The following RUFY4 variants were observed in gnomAD, a reference collection of about 807,000 sequenced individuals.
RUFY4 encodes the protein RUN and FYVE domain containing 4, also known as RUN and FYVE domain-containing protein 4.
A neutral mutation model predicts 69.0 loss-of-function variants in RUFY4; 73 were observed. That is an observed-to-expected ratio of 1.06 (90% CI 0.88 to 1.29). The LOEUF (loss-of-function observed/expected upper bound fraction) is 1.29, where lower values mean the gene tolerates loss of function less well. Among genes scored for constraint, RUFY4 ranks in the 50% most tolerant of loss-of-function variants. RUFY4 has a pLI of 0.00. For missense variants in RUFY4, 770 were observed against 705.6 expected, an observed-to-expected ratio of 1.09 and a Z score of -1.03; for synonymous variants, 287 against 271.8, an observed-to-expected ratio of 1.06 and a Z score of -0.55.
rs1324890826 is a variant in RUFY4, at chr2:218,058,897, T to C, written c.-1071+216T>C. ...TCCTGACTACTGCTTCACCCAAGGA[T>C]ATGAGATGCCCTAGAGCATCCCAGA... On this transcript the variant is annotated intron_variant and NMD_transcript_variant, in intron 3 of 13. Coordinates refer to the RUFY4 transcript ENST00000457754. Among the ~76,000 whole-genome samples, 5 of 152,310 alleles carry C rather than the reference T, an allele frequency of 3.3e-5. No homozygotes were observed. In the South Asian group the frequency reaches 8.3e-4, roughly 25 times the overall value.
exon 7 of RUFY4, chr2:218,075,128 G>T (rs754763410): frequency 4.5e-6 from 7 of 1,548,106 alleles, no homozygotes; most frequent in Non-Finnish European, 6.1e-6. Flanking sequence ...AAAATGTCCA[G>T]ATTGAGGACT....
chr2:218,062,483 C>T (rs1689222055), intron 3 of RUFY4, among the ~76,000 whole-genome samples: 1 of 151,338 alleles, frequency 6.6e-6, no homozygotes, highest in Non-Finnish European at 1.5e-5. Context: ...GAGACAGAGG[C>T]AGGCGGATTG....
chr2:218,068,664 G>C (rs1423766465), upstream of RUFY4: 1 of 153,100 alleles, frequency 6.5e-6, no homozygotes. Context: ...AGGAGGCAGA[G>C]CACAGCCAGG....
chr2:218,060,252 C>T (rs1398527197), intron 3 of RUFY4: 6 of 1,281,460 alleles, frequency 4.7e-6, no homozygotes, highest in African/African-American at 1.5e-5. Context: ...GACACTGAGA[C>T]CAAGAAGAGC....
At chr2:218,076,836 A>C (rs1455139569) in intron 8 of RUFY4, among the ~76,000 whole-genome samples, 1 of 151,866 alleles carries the variant, frequency 6.6e-6, no homozygotes, top group Admixed American at 6.6e-5. Context: ...TCCCCTGGGC[A>C]GCTCCTCTCT....
intron 2 of RUFY4, among the ~76,000 whole-genome samples, chr2:218,047,714 A>T (rs543912041): frequency 6.1e-4 from 93 of 152,314 alleles, no homozygotes; most frequent in African/African-American, 2.0e-3. Flanking sequence ...ATTTCCCCAT[A>T]GCACAGGATA....
chr2:218,055,800 A>G (rs1689048465), intron 2 of RUFY4, among the ~76,000 whole-genome samples: 1 of 152,236 alleles, frequency 6.6e-6, no homozygotes, highest in Non-Finnish European at 1.5e-5. Context: ...CCATCATCAG[A>G]GATATTTGAA....
At chr2:218,078,501 G>A (rs1461848027) in intron 8 of RUFY4, among the ~76,000 whole-genome samples, 1 of 152,180 alleles carries the variant, frequency 6.6e-6, no homozygotes. Context: ...GGTCAGGTGA[G>A]CCAAGGAGGC....
chr2:218,068,171 T>TGGAGGATGGCAGGGGAC (rs1559429721), upstream of RUFY4, among the ~76,000 whole-genome samples: 4 of 66,880 alleles, frequency 6.0e-5, no homozygotes, highest in Admixed American at 3.1e-4. Flanking sequence ...TGGCAGGGGG[T>TGGAGGATGGCAGGGGAC]TAGAGGAGGG....
At chr2:218,072,144 G>T (rs1176567289) in intron 2 of RUFY4, among the ~76,000 whole-genome samples, 2 of 152,172 alleles carry the variant, frequency 1.3e-5, no homozygotes, top group African/African-American at 4.8e-5. Flanking sequence ...CTGGAATATA[G>T]CAAGAGCTCA....
In RUFY4 at chr2:218,050,412, G is replaced by T. The variant is rs575155341; in HGVS notation, c.-1157-8183G>T. On this transcript the variant is annotated intron_variant and NMD_transcript_variant, in intron 2 of 13. Transcript: ENST00000457754. ...AGCTACAGATTACAGGGGTGAAAGA[G>T]CTGTAACCCTCCCTTCCACTTGCCG... 3.0e-4 allele frequency among the ~76,000 whole-genome samples: 46 copies of T among 152,234 alleles called. 1 individual carries two copies. In the South Asian group the frequency reaches 9.3e-3, roughly 31 times the overall value.
At position 218,082,601 on chromosome 2, in the gene RUFY4, G is replaced by T. The variant is rs149402094; in HGVS notation, c.1356-509G>T. Among the ~76,000 whole-genome samples the T allele has an allele frequency of 6.4e-3, 972 of 152,304 alleles. 3 individuals carry two copies. The highest frequency in any genetic ancestry group is 0.011 in the Non-Finnish European group (749 of 68,024). On this transcript the variant is annotated intron_variant, in intron 8 of 10. Coordinates refer to ENST00000344321, the Ensembl canonical transcript of RUFY4. ...CACACACTGTGCAGTTCAGTGTGTG[G>T]TGTGTATATTGTATGTGTGTGTGTA...
chr2:218,042,073 CA>C (rs1249313165), intron 2 of RUFY4, among the ~76,000 whole-genome samples: 1 of 152,152 alleles, frequency 6.6e-6, no homozygotes, highest in African/African-American at 2.4e-5. Context: ...TTGACTTATC[CA>C]AATTGTCTAA....
At chr2:218,060,211 T>C in intron 3 of RUFY4, 2 of 871,712 alleles carry the variant, frequency 2.3e-6, no homozygotes, top group Non-Finnish European at 3.4e-6. Context: ...TGGCCTCCTC[T>C]GCTTCCTGCG....
chr2:218,087,034 A>AAT (rs1360209124), intron 9 of RUFY4, among the ~76,000 whole-genome samples: 1 of 152,140 alleles, frequency 6.6e-6, no homozygotes. Context: ...TTTGGGAAGA[A>AAT]ATATATATAT....
At chr2:218,046,542 T>G (rs1353313804) in intron 2 of RUFY4, among the ~76,000 whole-genome samples, 1 of 152,246 alleles carries the variant, frequency 6.6e-6, no homozygotes, top group Non-Finnish European at 1.5e-5. Context: ...TCTATGAATA[T>G]CTTGCAATGC....
At chr2:218,049,598 C>A (rs759981617) in intron 2 of RUFY4, among the ~76,000 whole-genome samples, 3 of 152,038 alleles carry the variant, frequency 2.0e-5, no homozygotes, top group African/African-American at 7.2e-5. Flanking sequence ...CCTCTGCCTC[C>A]CAGGTTCAGG....
chr2:218,057,209 C>A (rs1689083726), intron 2 of RUFY4, among the ~76,000 whole-genome samples: 1 of 152,132 alleles, frequency 6.6e-6, no homozygotes, highest in South Asian at 2.1e-4. Flanking sequence ...CTTAACATTT[C>A]TCTTTCTAAT....
chr2:218,089,108 T>C (rs1689965190), intron 9 of RUFY4, 144 bp from the exon 12 acceptor site: 2 of 645,698 alleles, frequency 3.1e-6, no homozygotes, highest in South Asian at 3.9e-5. Flanking sequence ...TCCATGTGAT[T>C]CCCTCCATCA....
Sources: gnomAD v4.1 joint callset for allele counts (sites outside exome capture counted in the v4.1 genomes callset) on GRCh38, gnomAD v4.1.1 for gene constraint, MANE v1.5 for transcripts, NCBI Gene and HGNC (gene_info 2026-07-23, HGNC 2026-07-21) for gene names.